Variants in MYH15 observed in about 807,000 individuals in gnomAD.
MYH15 encodes myosin heavy chain 15.
A neutral mutation model predicts 240.5 loss-of-function variants in MYH15; 227 were observed. The ratio of observed to expected loss-of-function variants is 0.94; its 90% confidence interval spans 0.85 to 1.05. The LOEUF (loss-of-function observed/expected upper bound fraction) is 1.05, where lower values mean the gene tolerates loss of function less well. Among genes scored for constraint, MYH15 ranks in the 50% least tolerant of loss-of-function variants. The probability of loss-of-function intolerance (pLI) is 0.00; values close to 1 mark genes in which losing one functional copy is unlikely to be tolerated. For synonymous variants in MYH15, 785 were observed against 796.7 expected (o/e 0.99, Z 0.25); for missense variants, 2,217 against 2,247.5 (o/e 0.99, Z 0.27).
intron 37 of MYH15, among the ~76,000 whole-genome samples, chr3:108,389,924 T>A (rs1009927510): frequency 1.3e-5 from 2 of 152,136 alleles, no homozygotes; most frequent in Admixed American, 6.5e-5. Flanking sequence ...GCCTAGCACA[T>A]CTGACCCCAC....
chr3:108,439,698 T>C, intron 24 of MYH15, 39 bp downstream of exon 24: 9 of 1,476,788 alleles, frequency 6.1e-6, no homozygotes, highest in Non-Finnish European at 7.2e-6. Flanking sequence ...TGTGTATATG[T>C]AGACAGATAG....
intron 25 of MYH15, among the ~76,000 whole-genome samples, chr3:108,434,431 C>T (rs1322817264): frequency 6.6e-6 from 1 of 151,906 alleles, no homozygotes; most frequent in Non-Finnish European, 1.5e-5. Context: ...ATCTGCCCAC[C>T]TTCGCCTCCC....
chr3:108,405,219 A>G (rs1169553986), intron 33 of MYH15, 119 bp downstream of exon 33: 8 of 468,324 alleles, frequency 1.7e-5, no homozygotes. Flanking sequence ...ATAGAGTTAC[A>G]CTAAGTTTCT....
At chr3:108,418,766 T>TTGC (rs2082656797) in intron 28 of MYH15, among the ~76,000 whole-genome samples, 1 of 150,634 alleles carries the variant, frequency 6.6e-6, no homozygotes, top group Non-Finnish European at 1.5e-5. Context: ...CGTGTTGTTG[T>TTGC]TGTTTTGTTT....
At chr3:108,428,182 AC>A (rs2082741717) in intron 27 of MYH15, among the ~76,000 whole-genome samples, 1 of 152,220 alleles carries the variant, frequency 6.6e-6, no homozygotes, top group Non-Finnish European at 1.5e-5. Context: ...TTCAAGACAG[AC>A]ATAGATAGTG....
intron 1 of MYH15, among the ~76,000 whole-genome samples, chr3:108,509,348 C>G (rs1324159437): frequency 6.6e-6 from 1 of 151,954 alleles, no homozygotes; most frequent in East Asian, 1.9e-4. Flanking sequence ...TTTTTTCTTC[C>G]TGGCATCACT....
intron 9 of MYH15, among the ~76,000 whole-genome samples, chr3:108,491,706 C>G (rs56883253): frequency 3.2e-4 from 49 of 152,264 alleles, no homozygotes; most frequent in South Asian, 6.2e-4. Context: ...CCGCACCCCC[C>G]ACAACACACT....
chr3:108,473,640 C>T (rs1301028985), intron 12 of MYH15, among the ~76,000 whole-genome samples: 1 of 152,156 alleles, frequency 6.6e-6, no homozygotes, highest in Non-Finnish European at 1.5e-5. Flanking sequence ...ATAATCCATA[C>T]AAAGCACTTA....
chr3:108,489,344 T>C (rs1321541605), intron 9 of MYH15, among the ~76,000 whole-genome samples: 1 of 151,360 alleles, frequency 6.6e-6, no homozygotes, highest in East Asian at 1.9e-4. Flanking sequence ...ATACACTAGT[T>C]GAATAGCAAG....
rs2082343547 is a variant in MYH15 at position 108,381,546 on chromosome 3, T to C, written c.5780A>G (p.Ter1927TrpextTer5). The C allele has an allele frequency of 6.2e-7, 1 of 1,613,854 alleles. No homozygotes were observed. Among genetic ancestry groups the C allele is most frequent in the Non-Finnish European group, 8.5e-7 (1 of 1,179,830 alleles). The change falls in exon 41 of 41, where the codon TAG becomes TGG. Residue 1927 changes from the stop codon to tryptophan, a stop_lost. Transcript: ENST00000693548. ...GTTGTCCTTTCAAAGCAGGGGATGC[T>C]ATTCTTCTTGAACCTGAAAAACAGA... ...REFGKKVQEE[*>W]
chr3:108,537,437 G>C, the MYH15 span, among the ~76,000 whole-genome samples: 6 of 152,174 alleles, frequency 3.9e-5, no homozygotes, highest in African/African-American at 1.4e-4. Flanking sequence ...AGTATTAAGA[G>C]GGAGGGCCTT....
intron 25 of MYH15, among the ~76,000 whole-genome samples, chr3:108,434,189 G>T (rs1468323281): frequency 2.3e-5 from 2 of 87,448 alleles, no homozygotes; most frequent in Non-Finnish European, 4.8e-5. Flanking sequence ...AATTGAGAAT[G>T]GTTTTTTTTT....
intron 27 of MYH15, among the ~76,000 whole-genome samples, chr3:108,424,277 G>T (rs2082709408): frequency 6.6e-6 from 1 of 152,228 alleles, no homozygotes; most frequent in Admixed American, 6.5e-5. Context: ...CTTAGGTATA[G>T]CTTCACATGG....
intron 25 of MYH15, among the ~76,000 whole-genome samples, chr3:108,435,246 A>T (rs1235945415): frequency 6.6e-6 from 1 of 152,150 alleles, no homozygotes; most frequent in African/African-American, 2.4e-5. Flanking sequence ...CTTGTTCAAG[A>T]AGACTTATCC....
chr3:108,473,137 G>A (rs2083191341), intron 12 of MYH15, among the ~76,000 whole-genome samples: 1 of 152,048 alleles, frequency 6.6e-6, no homozygotes, highest in African/African-American at 2.4e-5. Flanking sequence ...CCTCCCAAGT[G>A]GCTGGGATTA....
At chr3:108,460,782 A>C (rs578174300) in intron 16 of MYH15, among the ~76,000 whole-genome samples, 11 of 152,278 alleles carry the variant, frequency 7.2e-5, no homozygotes, top group African/African-American at 2.6e-4. Flanking sequence ...TTAGTTTACA[A>C]AGCCTAAATT....
chr3:108,501,819 T>A lies in MYH15; in HGVS notation c.232A>T (p.Asn78Tyr). 6.2e-7 allele frequency: 1 copy of A among 1,614,086 alleles called. No homozygotes were observed. Residue 78 changes from asparagine (N) to tyrosine (Y), a missense_variant, in exon 3 of 41, where the codon AAT (asparagine) becomes TAT (tyrosine). Physicochemically the swap from Asn to Tyr is moderately radical, Grantham distance 143 (BLOSUM62 -2). Coordinates refer to ENST00000693548, the MANE Select transcript of MYH15 (RefSeq NM_014981.3). ...SIKEDKIQQM[N>Y]PPEFEMIEDM... ...TCAATCATTTCAAACTCTGGAGGATTCATCTGCTGGATTTTGTCCTCCTTT... is the reference window on the plus strand; with the variant it reads ...TCAATCATTTCAAACTCTGGAGGATACATCTGCTGGATTTTGTCCTCCTTT...
chr3:108,404,160 G>T (rs537541894), intron 33 of MYH15, among the ~76,000 whole-genome samples: 32 of 152,170 alleles, frequency 2.1e-4, no homozygotes, highest in African/African-American at 7.7e-4. Flanking sequence ...TCCTGTAGAA[G>T]AAAATGCCAG....
chr3:108,487,069 A>G (rs2083311985), intron 9 of MYH15, among the ~76,000 whole-genome samples: 1 of 152,214 alleles, frequency 6.6e-6, no homozygotes, highest in Admixed American at 6.5e-5. Context: ...TCCATAAATC[A>G]GCTGCTGTGT....
Sources: gnomAD v4.1 joint callset for allele counts (sites outside exome capture counted in the v4.1 genomes callset) on GRCh38, gnomAD v4.1.1 for gene constraint, MANE v1.5 for transcripts, NCBI Gene and HGNC (gene_info 2026-07-23, HGNC 2026-07-21) for gene names.